The following TMEM161B variants were observed in gnomAD, a reference collection of about 807,000 sequenced individuals.
TMEM161B encodes the protein transmembrane protein 161B.
Under a neutral mutation model 61.8 loss-of-function variants are expected in TMEM161B, and 34 were observed. That is an observed-to-expected ratio of 0.55 (90% CI 0.42 to 0.73). The LOEUF is 0.73. Ranked by LOEUF, TMEM161B falls within the 30% of genes least tolerant of loss-of-function variation. TMEM161B has a pLI of 0.00. For synonymous variants in TMEM161B, 167 were observed against 192.8 expected (o/e 0.87, Z 1.11); for missense variants, 456 against 558.5 (o/e 0.82, Z 1.85).
At chr5:88,233,270 G>T (rs1387603909) in intron 2 of TMEM161B, among the ~76,000 whole-genome samples, 2 of 152,162 alleles carry the variant, frequency 1.3e-5, no homozygotes, top group African/African-American at 4.8e-5. Flanking sequence ...TGAAACAAGT[G>T]GTGAAAATGT....
chr5:88,203,546 G>C (rs1744807965), intron 8 of TMEM161B, among the ~76,000 whole-genome samples: 1 of 151,610 alleles, frequency 6.6e-6, no homozygotes, highest in South Asian at 2.1e-4. Flanking sequence ...TTATCTACAA[G>C]TAAATGATAG....
chr5:88,263,509 G>A (rs912571945), intron 1 of TMEM161B, among the ~76,000 whole-genome samples: 4 of 152,178 alleles, frequency 2.6e-5, no homozygotes, highest in South Asian at 2.1e-4. Context: ...CACCATGACT[G>A]TAAGGATTTC....
intron 4 of TMEM161B, among the ~76,000 whole-genome samples, chr5:88,223,551 A>G (rs997831813): frequency 2.0e-5 from 3 of 152,164 alleles, no homozygotes; most frequent in Non-Finnish European, 2.9e-5. Context: ...TGTTGAATGT[A>G]AAACAGTTAA....
At chr5:88,221,482 G>C (rs1311762108) in intron 4 of TMEM161B, 1 of 282,254 alleles carries the variant, frequency 3.5e-6, no homozygotes, top group Non-Finnish European at 7.1e-6. Flanking sequence ...CTGAGTGACA[G>C]AGAGAGACTC....
chr5:88,228,363 T>A (rs1263503481), intron 3 of TMEM161B, 82 bp downstream of exon 3: 2 of 1,050,426 alleles, frequency 1.9e-6, no homozygotes, highest in African/African-American at 3.2e-5. Flanking sequence ...AATTGGTACA[T>A]GTTTCTTTAA....
intron 3 of TMEM161B, 26 bp from the exon 4 acceptor site, chr5:88,225,892 A>G (rs752296347): frequency 6.8e-7 from 1 of 1,468,230 alleles, no homozygotes. Flanking sequence ...AAGTGACACA[A>G]AAAACAAGTT....
chr5:88,198,832 T>A, intron 10 of TMEM161B, 144 bp downstream of exon 10: 1 of 752,456 alleles, frequency 1.3e-6, no homozygotes, highest in South Asian at 2.2e-5. Context: ...GTCTCTTTGA[T>A]ATCTGTCAAC....
intron 9 of TMEM161B, chr5:88,200,266 T>G (rs1198079646): frequency 6.6e-6 from 1 of 152,054 alleles, no homozygotes; most frequent in Non-Finnish European, 1.5e-5. Flanking sequence ...GACATAAAAT[T>G]TCAATGGAAA....
At chr5:88,210,686 G>C (rs532606949) in intron 5 of TMEM161B, among the ~76,000 whole-genome samples, 13 of 152,170 alleles carry the variant, frequency 8.5e-5, no homozygotes, top group Non-Finnish European at 1.6e-4. Flanking sequence ...CTCCAGGCAG[G>C]AGATTAAGAG....
Position 88,220,713 on chromosome 5 carries a change from T to C in TMEM161B, c.296A>G (p.His99Arg), listed in dbSNP as rs1352333400. ...SVTEVDTLAL[H>R]YFPEYQWLVD... ...CAGCCACTGGTATTCTGGAAAGTAATGCAATGCTGGAAAGAAAAAAAAAAA... is the reference window on the plus strand; with the variant it reads ...CAGCCACTGGTATTCTGGAAAGTAACGCAATGCTGGAAAGAAAAAAAAAAA... The change falls in exon 5 of 12, where the codon CAT becomes CGT. Residue 99 changes from histidine (H) to arginine (R), a missense_variant. His to Arg is a conservative substitution (Grantham distance 29). Coordinates refer to ENST00000296595, the MANE Select transcript of TMEM161B (RefSeq NM_153354.5). 4 of 925,562 alleles carry C rather than the reference T, an allele frequency of 4.3e-6. No individual in the cohort carries two copies. The highest frequency in any genetic ancestry group is 5.9e-6 in the Non-Finnish European group (4 of 682,154). 57.3% of individuals were successfully genotyped at this position (925,562 alleles called of 1,614,324 possible). A position where few individuals can be genotyped will look rare whatever the true frequency, so the allele number is the denominator to read the frequency against.
At chr5:88,220,926 C>G (rs1191397462) in intron 4 of TMEM161B, among the ~76,000 whole-genome samples, 2 of 151,930 alleles carry the variant, frequency 1.3e-5, no homozygotes, top group Non-Finnish European at 2.9e-5. Context: ...AATTTTAATA[C>G]CTCACAAATT....
At chr5:88,252,224 G>T (rs1237092444) in intron 1 of TMEM161B, among the ~76,000 whole-genome samples, 1 of 152,086 alleles carries the variant, frequency 6.6e-6, no homozygotes, top group Admixed American at 6.6e-5. Context: ...GAAGGTATTT[G>T]CAACAGCAAA....
intron 1 of TMEM161B, among the ~76,000 whole-genome samples, chr5:88,257,655 CAATT>C (rs1014288329): frequency 2.6e-5 from 4 of 152,156 alleles, no homozygotes; most frequent in African/African-American, 9.6e-5. Context: ...GCTAAATACA[CAATT>C]AATCATTGGC....
intron 11 of TMEM161B, among the ~76,000 whole-genome samples, chr5:88,196,875 T>C (rs1342846344): frequency 2.6e-5 from 4 of 152,140 alleles, no homozygotes; most frequent in African/African-American, 9.6e-5. Context: ...AATAAATTCC[T>C]TTCTCAGAAA....
At chr5:88,246,780 A>G (rs149583691) in intron 1 of TMEM161B, among the ~76,000 whole-genome samples, 85 of 152,210 alleles carry the variant, frequency 5.6e-4, no homozygotes, top group African/African-American at 2.0e-3. Context: ...AATCTTAAAC[A>G]TAAATTTCAC....
intron 5 of TMEM161B, among the ~76,000 whole-genome samples, chr5:88,210,410 G>T (rs988657548): frequency 6.6e-6 from 1 of 152,098 alleles, no homozygotes; most frequent in Non-Finnish European, 1.5e-5. Flanking sequence ...ACAAGATTAA[G>T]AAGTATACAG....
In TMEM161B at chr5:88,204,981, C is replaced by A. The variant is rs113863979; in HGVS notation, c.800+833G>T. Among the ~76,000 whole-genome samples, 636 of 152,122 alleles carry A rather than the reference C, an allele frequency of 4.2e-3. 2 individuals carry two copies. Among genetic ancestry groups the A allele is most frequent in the African/African-American group, 0.015 (611 of 41,498 alleles). On this transcript the variant is annotated intron_variant, in intron 8 of 11. Transcript: ENST00000296595. ...ATAGAAATGTTAGGAAATAAGATTACCCAGATAAACTTAATGGTTATAAAT... is the reference window on the plus strand; with the variant it reads ...ATAGAAATGTTAGGAAATAAGATTAACCAGATAAACTTAATGGTTATAAAT...
intron 2 of TMEM161B, among the ~76,000 whole-genome samples, chr5:88,229,976 G>A (rs890565911): frequency 2.0e-5 from 3 of 151,982 alleles, no homozygotes; most frequent in African/African-American, 7.2e-5. Context: ...AGGATTGTCT[G>A]AAGCCAGGAG....
chr5:88,188,130 G>T (rs1748469701), downstream of TMEM161B, among the ~76,000 whole-genome samples: 1 of 151,272 alleles, frequency 6.6e-6, no homozygotes, highest in African/African-American at 2.4e-5. Context: ...TGGAGACATG[G>T]TTTCACTCTT....
Sources: gnomAD v4.1 joint callset for allele counts (sites outside exome capture counted in the v4.1 genomes callset) on GRCh38, gnomAD v4.1.1 for gene constraint, MANE v1.5 for transcripts, NCBI Gene and HGNC (gene_info 2026-07-23, HGNC 2026-07-21) for gene names.